Variants in TENM2 observed in about 807,000 individuals in gnomAD.
TENM2 encodes teneurin transmembrane protein 2.
A neutral mutation model predicts 245.2 loss-of-function variants in TENM2; 52 were observed. The ratio of observed to expected loss-of-function variants is 0.21; its 90% confidence interval spans 0.17 to 0.27. TENM2 has a LOEUF of 0.27. TENM2 is among the 10% of genes least tolerant of loss of function. TENM2 has a pLI of 1.00. For missense variants in TENM2, 3,046 were observed against 3,666.8 expected, an observed-to-expected ratio of 0.83 and a Z score of 4.37; for synonymous variants, 1,363 against 1,438.9, an observed-to-expected ratio of 0.95 and a Z score of 1.19.
intron 2 of TENM2, among the ~76,000 whole-genome samples, chr5:167,509,866 T>C (rs1769812080): frequency 6.6e-6 from 1 of 152,206 alleles, no homozygotes. Context: ...TAGCCAGGTT[T>C]TGGACCTAAG....
chr5:167,979,843 C>T (rs551131970), intron 4 of TENM2, among the ~76,000 whole-genome samples: 16 of 152,258 alleles, frequency 1.1e-4, no homozygotes, highest in South Asian at 2.1e-4. Flanking sequence ...AGGAATAATA[C>T]GAACATGATG....
chr5:168,007,925 G>T (rs1401436008), intron 5 of TENM2, among the ~76,000 whole-genome samples: 1 of 152,100 alleles, frequency 6.6e-6, no homozygotes, highest in Admixed American at 6.5e-5. Flanking sequence ...GTTGATAACC[G>T]TAATAGCGAT....
At chr5:167,087,920 G>C in the TENM2 span, among the ~76,000 whole-genome samples, 15 of 152,116 alleles carry the variant, frequency 9.9e-5, 1 homozygote, top group Admixed American at 3.3e-4. Flanking sequence ...CTTCCAAGCA[G>C]CTGGGACTAC....
chr5:168,005,444 T>A (rs1581032986), intron 5 of TENM2, among the ~76,000 whole-genome samples: 1 of 152,242 alleles, frequency 6.6e-6, no homozygotes, highest in East Asian at 1.9e-4. Flanking sequence ...TGTAATTCTT[T>A]ATTCATAACA....
At chr5:167,557,505 G>A (rs1200624724) in intron 2 of TENM2, among the ~76,000 whole-genome samples, 2 of 152,148 alleles carry the variant, frequency 1.3e-5, no homozygotes, top group Non-Finnish European at 2.9e-5. Context: ...AGCTCACAAG[G>A]TTATGTAACA....
At position 167,461,544 on chromosome 5, in the gene TENM2, A is replaced by G. The variant is rs1561975627; in HGVS notation, c.502+86071A>G. On this transcript the variant is annotated intron_variant, in intron 2 of 28. Coordinates refer to ENST00000518659, the Ensembl canonical transcript of TENM2. ...TGGTTACCTCCCGGCAGTCTTTCAT[A>G]GATATTTAATGTTTATAAGAGATAT... Among the ~76,000 whole-genome samples the G allele has an allele frequency of 2.0e-5, 3 of 152,194 alleles. 1 individual carries two copies. The highest frequency in any genetic ancestry group is 4.4e-5 in the Non-Finnish European group (3 of 68,034).
intron 2 of TENM2, among the ~76,000 whole-genome samples, chr5:167,724,372 G>A (rs999672942): frequency 1.3e-5 from 2 of 151,668 alleles, no homozygotes; most frequent in African/African-American, 2.4e-5. Context: ...TATAAAACAG[G>A]GTTTTAAAAA....
chr5:167,809,704 A>G, intron 2 of TENM2, among the ~76,000 whole-genome samples: 1 of 152,102 alleles, frequency 6.6e-6, no homozygotes, highest in Non-Finnish European at 1.5e-5. Flanking sequence ...TTGGCAAAAT[A>G]TGTCCTTGAG....
intron 4 of TENM2, among the ~76,000 whole-genome samples, chr5:167,961,042 A>C (rs1373669138): frequency 6.6e-6 from 1 of 152,222 alleles, no homozygotes; most frequent in Admixed American, 6.5e-5. Flanking sequence ...CTGTCTAACC[A>C]GTCCTAGTGA....
rs115350573 is a variant in TENM2, at chr5:167,858,201, A to G, written c.503-17785A>G. ...CTTATTTAGCATGTCAGAACTGCAGAGACTGGGAAGAAAATGTGAGCTAAG... is the reference window on the plus strand; with the variant it reads ...CTTATTTAGCATGTCAGAACTGCAGGGACTGGGAAGAAAATGTGAGCTAAG... On this transcript the variant is annotated intron_variant, in intron 2 of 28. Transcript: ENST00000518659. Among the ~76,000 whole-genome samples, 561 of 152,392 alleles carry G rather than the reference A, an allele frequency of 3.7e-3. 2 individuals are homozygous for G. Among genetic ancestry groups the G allele is most frequent in the African/African-American group, 0.012 (516 of 41,594 alleles).
At chr5:167,163,523 T>A in the TENM2 span, among the ~76,000 whole-genome samples, 4,920 of 152,318 alleles carry the variant, frequency 0.032, 286 homozygotes, top group African/African-American at 0.11. Context: ...TCTTAATGTT[T>A]ATGATTTATC....
At chr5:167,423,254 T>C (rs925016779) in intron 2 of TENM2, among the ~76,000 whole-genome samples, 1 of 152,220 alleles carries the variant, frequency 6.6e-6, no homozygotes. Context: ...TCAGCAAAGT[T>C]AGCTGCCTGA....
intron 1 of TENM2, among the ~76,000 whole-genome samples, chr5:167,319,244 A>G (rs1231303719): frequency 6.6e-6 from 1 of 152,204 alleles, no homozygotes. Flanking sequence ...AGATGCCCTA[A>G]TTCTGCTTTT....
intron 2 of TENM2, among the ~76,000 whole-genome samples, chr5:167,734,194 AGTATCCATG>A (rs748787454): frequency 1.1e-4 from 17 of 152,208 alleles, no homozygotes; most frequent in Non-Finnish European, 2.5e-4. Context: ...GGTAGCTAAT[AGTATCCATG>A]GCCCTTTGGG....
chr5:167,725,714 A>G (rs1004300241), intron 2 of TENM2, among the ~76,000 whole-genome samples: 1 of 152,056 alleles, frequency 6.6e-6, no homozygotes, highest in Non-Finnish European at 1.5e-5. Context: ...AGGGGTTCTT[A>G]GCTTTTATCC....
At chr5:167,646,922 G>A (rs542424975) in intron 2 of TENM2, among the ~76,000 whole-genome samples, 3 of 152,230 alleles carry the variant, frequency 2.0e-5, no homozygotes, top group South Asian at 2.1e-4. Context: ...ACAGTTGTTC[G>A]CAGTTGAAAG....
chr5:167,934,824 C>T (rs950894193), intron 3 of TENM2: 12 of 982,842 alleles, frequency 1.2e-5, no homozygotes, highest in Middle Eastern at 5.3e-4. Flanking sequence ...CTCAGCATCA[C>T]GGGCAGCTAG....
chr5:167,021,961 A>G, the TENM2 span, among the ~76,000 whole-genome samples: 1 of 152,174 alleles, frequency 6.6e-6, no homozygotes, highest in Non-Finnish European at 1.5e-5. Flanking sequence ...GACCTAACCC[A>G]TTGTATATAT....
chr5:167,760,723 G>A (rs1231070490), intron 2 of TENM2, among the ~76,000 whole-genome samples: 9 of 152,186 alleles, frequency 5.9e-5, no homozygotes, highest in African/African-American at 1.9e-4. Context: ...GCATGATCTC[G>A]GCTCACTGCA....
Sources: gnomAD v4.1 joint callset for allele counts (sites outside exome capture counted in the v4.1 genomes callset) on GRCh38, gnomAD v4.1.1 for gene constraint, MANE v1.5 for transcripts, NCBI Gene and HGNC (gene_info 2026-07-23, HGNC 2026-07-21) for gene names.